CEP104: variants seen among roughly 807,000 people sequenced by gnomAD.
The protein encoded by CEP104 is centrosomal protein of 104 kDa.
CEP104 carries 84 observed loss-of-function variants against 113.3 expected under a neutral mutation model. That is an observed-to-expected ratio of 0.74 (90% CI 0.62 to 0.89). The LOEUF (loss-of-function observed/expected upper bound fraction) is 0.89. CEP104 is among the 40% of genes least tolerant of loss of function. CEP104 has a pLI of 0.00. For synonymous variants in CEP104, 378 were observed against 421.7 expected (o/e 0.90, Z 1.27); for missense variants, 1,053 against 1,156.6 (o/e 0.91, Z 1.30).
At position 3,836,545 on chromosome 1, in the gene CEP104, T is replaced by C. The variant is rs1451707431; in HGVS notation, c.1267A>G (p.Lys423Glu). The C allele has an allele frequency of 4.4e-6, 7 of 1,594,148 alleles. No homozygotes were observed. The highest frequency in any genetic ancestry group is 6.0e-6 in the Non-Finnish European group (7 of 1,170,886). Residue 423 changes from lysine (K) to glutamate (E), a missense_variant, in exon 10 of 22, where the codon AAG (lysine) becomes GAG (glutamate). By Grantham distance (56) the Lys-to-Glu change is moderately conservative. Transcript: ENST00000378230. ...MLGEPEPLTE[K>E]ALREASSAID... ...GCAGAGCTGGCTTCTCTCAAGGCCT[T>C]CTCGGTTAAGGGCTCTGGCTCCCCT...
At chr1:3,851,147 C>G (rs902022559) in intron 2 of CEP104, among the ~76,000 whole-genome samples, 1 of 152,108 alleles carries the variant, frequency 6.6e-6, no homozygotes, top group Non-Finnish European at 1.5e-5. Context: ...TGGGCAGTAT[C>G]AGGACGCTGG....
chr1:3,825,683 C>G (rs1644076301), intron 18 of CEP104, 75 bp downstream of exon 18: 1 of 965,132 alleles, frequency 1.0e-6, no homozygotes, highest in Non-Finnish European at 1.7e-6. Context: ...CTTGGGACAG[C>G]TTTTTGACTC....
chr1:3,839,797 T>C (rs1225992031), intron 6 of CEP104, 21 bp from the exon 7 acceptor site: 9 of 1,599,168 alleles, frequency 5.6e-6, no homozygotes, highest in East Asian at 2.2e-5. Flanking sequence ...GAAATGCATA[T>C]TTTAGAGATA....
At chr1:3,829,449 A>C in intron 14 of CEP104, 76 bp from the exon 15 acceptor site, 1 of 932,536 alleles carries the variant, frequency 1.1e-6, no homozygotes, top group Non-Finnish European at 1.6e-6. Flanking sequence ...ATTATGGCAT[A>C]TCAACTATAT....
chr1:3,845,835 C>T (rs1242659587), intron 4 of CEP104, among the ~76,000 whole-genome samples: 1 of 152,080 alleles, frequency 6.6e-6, no homozygotes, highest in African/African-American at 2.4e-5. Flanking sequence ...TGCCTGTAAT[C>T]CCATCACTAT....
chr1:3,844,774 A>C (rs1644476821), intron 6 of CEP104, 133 bp downstream of exon 6: 2 of 594,794 alleles, frequency 3.4e-6, no homozygotes, highest in South Asian at 4.5e-5. Context: ...ATTTCAGACA[A>C]TCCAATCAGT....
intron 20 of CEP104, among the ~76,000 whole-genome samples, chr1:3,821,043 C>G (rs966461120): frequency 6.6e-6 from 1 of 152,236 alleles, no homozygotes; most frequent in African/African-American, 2.4e-5. Context: ...CTGGCTGTGT[C>G]CACTGAGAGT....
At position 3,845,897 on chromosome 1, in the gene CEP104, G is replaced by A. The variant is rs185955050; in HGVS notation, c.427-546C>T. ...GAAGTCGGGAGTTTGAGACCAGCCT[G>A]ACCAACATGGAGAAACTCCGTCTCT... On this transcript the variant is annotated intron_variant, in intron 4 of 21. Coordinates refer to ENST00000378230, the MANE Select transcript of CEP104 (RefSeq NM_014704.4). Among the ~76,000 whole-genome samples the A allele has an allele frequency of 5.9e-3, 902 of 152,152 alleles. 10 individuals carry two copies. Among genetic ancestry groups the A allele is most frequent in the African/African-American group, 0.02 (839 of 41,506 alleles).
At chr1:3,841,926 T>C (rs1644419795) in intron 6 of CEP104, among the ~76,000 whole-genome samples, 1 of 152,248 alleles carries the variant, frequency 6.6e-6, no homozygotes. Context: ...GCTGCGGTCT[T>C]TGTGGAGAGG....
In CEP104 at chr1:3,837,351, G is replaced by A; in HGVS notation, c.1060C>T (p.Pro354Ser). Residue 354 changes from proline (P) to serine (S), a missense_variant, in exon 9 of 22, where the codon CCT (proline) becomes TCT (serine). By Grantham distance (74) the Pro-to-Ser change is moderately conservative. Coordinates refer to ENST00000378230, the MANE Select transcript of CEP104 (RefSeq NM_014704.4). ...AACGGGTCTACTGCAGAATGCTGAG[G>A]AGAAATAGTTAGAGAATATGATGAA... ...KPSSYSLTIS[P>S]QHSAVDPLLP... 6.2e-7 allele frequency: 1 copy of A among 1,614,192 alleles called. No homozygotes were observed. The highest frequency in any genetic ancestry group is 1.7e-5 in the Admixed American group (1 of 60,020).
At chr1:3,845,224 A>G in intron 5 of CEP104, 65 bp downstream of exon 5, 1 of 1,153,386 alleles carries the variant, frequency 8.7e-7, no homozygotes, top group Middle Eastern at 2.0e-4. Flanking sequence ...TTGGGTGAAA[A>G]TAAATGACTC....
chr1:3,829,266 C>G lies in CEP104; in HGVS notation c.2151G>C (p.Gln717His). The G allele has an allele frequency of 6.3e-7, 1 of 1,579,790 alleles. No homozygotes were observed. Among genetic ancestry groups the G allele is most frequent in the Non-Finnish European group, 8.6e-7 (1 of 1,169,418 alleles). ...AALKEIQAEV[Q>H]EKESDAVKPK... Reference sequence around the variant, plus strand: ...GGTGAAAGACGTGTTAACTTCCAACCTGAACTTCAGCCTGAATTTCTTTCA... The same window carrying G: ...GGTGAAAGACGTGTTAACTTCCAACGTGAACTTCAGCCTGAATTTCTTTCA... The change falls in exon 15 of 22, where the codon CAG becomes CAC. Residue 717 changes from glutamine to histidine, a missense_variant and splice_region_variant. By Grantham distance (24) the Gln-to-His change is conservative. Coordinates refer to ENST00000378230, the MANE Select transcript of CEP104 (RefSeq NM_014704.4).
chr1:3,829,404 A>G, intron 14 of CEP104, 31 bp from the exon 15 acceptor site: 1 of 1,539,486 alleles, frequency 6.5e-7, no homozygotes, highest in Non-Finnish European at 8.9e-7. Flanking sequence ...CCATTAGAAC[A>G]GCTTGTTAGG....
intron 20 of CEP104, among the ~76,000 whole-genome samples, chr1:3,822,046 C>T (rs969741342): frequency 2.6e-5 from 4 of 152,224 alleles, no homozygotes; most frequent in Admixed American, 6.5e-5. Context: ...GATGCAACAA[C>T]GTGCTGTCTG....
intron 20 of CEP104, among the ~76,000 whole-genome samples, chr1:3,817,205 C>T (rs1174343288): frequency 2.6e-5 from 4 of 152,224 alleles, no homozygotes; most frequent in South Asian, 4.2e-4. Flanking sequence ...TGGCGCATCT[C>T]GTGTCCCCAA....
intron 7 of CEP104, 117 bp from the exon 8 acceptor site, chr1:3,839,236 G>A (rs1644370504): frequency 2.3e-6 from 2 of 878,612 alleles, no homozygotes; most frequent in Non-Finnish European, 1.8e-6. Flanking sequence ...GTGAGCACAG[G>A]GAAATGGAAG....
At position 3,831,236 on chromosome 1, in the gene CEP104, G is replaced by C. The variant is rs1323715760; in HGVS notation, c.1660-14C>G. The C allele has an allele frequency of 6.2e-7, 1 of 1,604,170 alleles. No homozygotes were observed. Among genetic ancestry groups the C allele is most frequent in the East Asian group, 2.2e-5 (1 of 44,636 alleles). On this transcript the variant is annotated splice_polypyrimidine_tract_variant and intron_variant, in intron 12 of 21. Transcript: ENST00000378230. ...CAAGGCCATTTCCTATGAAAGCCAA[G>C]GTAATTTGTTAATTTTTACTGGAAA...
chr1:3,818,889 G>A lies in CEP104; in HGVS notation c.2572-2519C>T, dbSNP rs1171547390. Among the ~76,000 whole-genome samples the A allele has an allele frequency of 5.9e-5, 9 of 152,126 alleles. No individual in the cohort carries two copies. In the East Asian group the frequency reaches 1.3e-3, roughly 23 times the overall value. On this transcript the variant is annotated intron_variant, in intron 20 of 21. Coordinates refer to ENST00000378230, the MANE Select transcript of CEP104 (RefSeq NM_014704.4). ...TGAATTGATCTGCCTCTTCCATCAA[G>A]GCTTAAGCTTTCTGTGTCCTGTTTG...
chr1:3,815,232 T>C lies in CEP104; in HGVS notation c.*170A>G, dbSNP rs1338147721. ...GGATCTTTGGTTAGCTGCATCCATA[T>C]CGTTTGCACGAGAGCTGACGGCACA... On this transcript the variant is annotated 3_prime_UTR_variant, in exon 22 of 22. Transcript: ENST00000378230. The C allele has an allele frequency of 1.7e-6, 1 of 604,776 alleles. No individual in the cohort carries two copies. The highest frequency in any genetic ancestry group is 3.0e-6 in the Non-Finnish European group (1 of 336,882). 37.5% of individuals were successfully genotyped at this position (604,776 alleles called of 1,614,324 possible).
Sources: gnomAD v4.1 joint callset for allele counts (sites outside exome capture counted in the v4.1 genomes callset) on GRCh38, gnomAD v4.1.1 for gene constraint, MANE v1.5 for transcripts, NCBI Gene and HGNC (gene_info 2026-07-23, HGNC 2026-07-21) for gene names.